Variants in NDUFS7 observed in about 807,000 individuals in gnomAD.
NDUFS7 encodes the protein NADH dehydrogenase [ubiquinone] iron-sulfur protein 7, mitochondrial.
NDUFS7 carries 11 observed loss-of-function variants against 31.1 expected under a neutral mutation model. The ratio of observed to expected loss-of-function variants is 0.35; its 90% CI spans 0.22 to 0.59. NDUFS7 has a LOEUF of 0.59. Among genes scored for constraint, NDUFS7 ranks in the 20% least tolerant of loss-of-function variants. NDUFS7 has a pLI of 0.79. For missense variants in NDUFS7, 263 were observed against 324.2 expected, an observed-to-expected ratio of 0.81 and a Z score of 1.45; for synonymous variants, 136 against 127.9, an observed-to-expected ratio of 1.06 and a Z score of -0.43.
chr19:1,390,765 C>A, intron 4 of NDUFS7, 106 bp from the exon 5 acceptor site: 1 of 1,361,022 alleles, frequency 7.3e-7, no homozygotes, highest in Non-Finnish European at 1.0e-6. Flanking sequence ...CTGCCGGCTG[C>A]CGCCCCGGGA....
chr19:1,391,361 C>T lies in NDUFS7; in HGVS notation c.455+196C>T, dbSNP rs181178797. Among the ~76,000 whole-genome samples, 378 of 152,312 alleles carry T rather than the reference C, an allele frequency of 2.5e-3. 1 individual carries two copies. The highest frequency in any genetic ancestry group is 8.6e-3 in the African/African-American group (357 of 41,570). On this transcript the variant is annotated intron_variant, in intron 6 of 7. Transcript: ENST00000233627. Reference sequence around the variant, plus strand: ...GGCCTCTCCCCAGAACGATTCCTCCCATCCACCCCCACGCAGCAGACCCCA... The same window carrying T: ...GGCCTCTCCCCAGAACGATTCCTCCTATCCACCCCCACGCAGCAGACCCCA...
At chr19:1,389,344 C>T (rs912935651) in intron 4 of NDUFS7, 4 of 484,012 alleles carry the variant, frequency 8.3e-6, no homozygotes, top group South Asian at 1.6e-5. Flanking sequence ...CATGCACACA[C>T]GTCCTTGTGT....
intron 1 of NDUFS7, among the ~76,000 whole-genome samples, chr19:1,385,470 A>T (rs948939059): frequency 6.6e-6 from 1 of 151,394 alleles, no homozygotes; most frequent in Admixed American, 6.6e-5. Context: ...CTAAGATTGC[A>T]CCATTGCACT....
chr19:1,387,823 G>T lies in NDUFS7; in HGVS notation c.29G>T (p.Arg10Leu), dbSNP rs778260862. Residue 10 changes from arginine (R) to leucine (L), a missense_variant, in exon 2 of 8, where the codon CGC (arginine) becomes CTC (leucine). Transcript: ENST00000233627. ...GTCCTCTCTGCAGCTCCTGGCCTGC[G>T]CGGCTTCCGGATCCTTGGTCTGCGG... MAVLSAPGL[R>L]GFRILGLRSS... The T allele has an allele frequency of 6.2e-7, 1 of 1,611,214 alleles. No individual in the cohort carries two copies. The highest frequency in any genetic ancestry group is 8.5e-7 in the Non-Finnish European group (1 of 1,179,766).
chr19:1,384,185 A>G, intron 1 of NDUFS7: 1 of 516,186 alleles, frequency 1.9e-6, no homozygotes, highest in Non-Finnish European at 3.3e-6. Context: ...CTCCAGCCTC[A>G]GGAAGGCGCT....
At position 1,391,107 on chromosome 19, in the gene NDUFS7, C is replaced by CCT. The variant is rs745927797; in HGVS notation, c.409-7_409-6dup. 21 of 1,612,636 alleles carry CCT rather than the reference C, an allele frequency of 1.3e-5. No homozygotes were observed. Among genetic ancestry groups the CCT allele is most frequent in the Non-Finnish European group, 1.8e-5 (21 of 1,179,588 alleles). On this transcript the variant is annotated splice_polypyrimidine_tract_variant and intron_variant, in intron 5 of 7. Coordinates refer to ENST00000233627, the MANE Select transcript of NDUFS7 (RefSeq NM_024407.5). ...CAGAGTGAGCTGCGCACGGACCCCG[C>CCT]CTCTCTTCCAGGTCTACGACCAGAT...
chr19:1,394,723 C>G, intron 7 of NDUFS7: 1 of 1,194,650 alleles, frequency 8.4e-7, no homozygotes, highest in South Asian at 1.5e-5. Flanking sequence ...TCCCTTGGAG[C>G]AGCCTGGACT....
At chr19:1,384,549 G>A (rs1416375605) in intron 1 of NDUFS7, among the ~76,000 whole-genome samples, 1 of 152,252 alleles carries the variant, frequency 6.6e-6, no homozygotes, top group Non-Finnish European at 1.5e-5. Context: ...AAGGAAATCA[G>A]TTACACGGAG....
intron 4 of NDUFS7, chr19:1,390,550 C>T: frequency 1.2e-5 from 6 of 505,478 alleles, no homozygotes; most frequent in Non-Finnish European, 3.6e-6. Context: ...CTACTACTCG[C>T]CTGTAGCCCA....
At chr19:1,388,498 A>G (rs781104957) in intron 2 of NDUFS7, 27 bp from the exon 3 acceptor site, 3 of 1,608,046 alleles carry the variant, frequency 1.9e-6, no homozygotes, top group African/African-American at 1.3e-5. Context: ...TGGGACAGCC[A>G]CTGACCCGCG....
intron 4 of NDUFS7, chr19:1,389,375 G>T (rs758005485): frequency 2.8e-5 from 13 of 466,206 alleles, no homozygotes; most frequent in South Asian, 2.0e-4. Context: ...ATGTGTGCCT[G>T]TTGGCATGCA....
chr19:1,388,969 A>C (rs1314647372), intron 4 of NDUFS7, 31 bp downstream of exon 4: 2 of 1,553,644 alleles, frequency 1.3e-6, no homozygotes, highest in Non-Finnish European at 1.8e-6. Flanking sequence ...GCCCTCCTCG[A>C]GCGCCAGGGC....
At chr19:1,394,630 C>G in intron 7 of NDUFS7, 2 of 1,214,318 alleles carry the variant, frequency 1.6e-6, no homozygotes, top group Non-Finnish European at 1.0e-6. Flanking sequence ...CAGCGGACCG[C>G]GCTCCTCCCT....
Position 1,388,863 on chromosome 19 carries a change from C to T in NDUFS7, c.153C>T (p.Ala51=), listed in dbSNP as rs140236960. The T allele has an allele frequency of 2.4e-3, 3,882 of 1,607,154 alleles. 8 individuals carry two copies. The highest frequency in any genetic ancestry group is 2.9e-3 in the Non-Finnish European group (3,436 of 1,177,310). Residue 51 remains alanine (A), a synonymous_variant, in exon 4 of 8, where the codon GCC becomes GCT. Transcript: ENST00000233627. The stretch of plus-strand genomic sequence containing the variant: ...AGCCTGCCCTGCCAAAGGCCAGAGC[C>T]GTGGCTCCCAAACCCAGCAGCCGGG... The part of the protein sequence containing the change: ...STQPALPKAR[A]VAPKPSSRGE...
intron 1 of NDUFS7, among the ~76,000 whole-genome samples, chr19:1,384,972 G>A (rs2082497975): frequency 6.6e-6 from 1 of 152,118 alleles, no homozygotes; most frequent in South Asian, 2.1e-4. Flanking sequence ...GCGCCACCAT[G>A]CCTGGCTAGT....
chr19:1,388,437 G>T, intron 2 of NDUFS7, 88 bp from the exon 3 acceptor site: 1 of 1,208,898 alleles, frequency 8.3e-7, no homozygotes. Context: ...TCGCAGCAGG[G>T]AGGGGAGAGG....
Position 1,395,459 on chromosome 19 carries a change from C to G in NDUFS7, c.613C>G (p.Arg205Gly), listed in dbSNP as rs775856806. The G allele has an allele frequency of 3.3e-5, 53 of 1,596,802 alleles. No individual in the cohort carries two copies. Among genetic ancestry groups the G allele is most frequent in the Non-Finnish European group, 4.3e-5 (50 of 1,173,778 alleles). The change falls in exon 8 of 8, where the codon CGG becomes GGG. Residue 205 changes from arginine to glycine, a missense_variant. Arg to Gly is a moderately radical substitution (Grantham distance 125). Coordinates refer to ENST00000233627, the MANE Select transcript of NDUFS7 (RefSeq NM_024407.5). ...GCTGCAGAGGAAGATCAAGCGGGAGCGGAGGCTGCAGATCTGGTACCGCAG... is the reference window on the plus strand; with the variant it reads ...GCTGCAGAGGAAGATCAAGCGGGAGGGGAGGCTGCAGATCTGGTACCGCAG... Reference protein sequence around the residue: ...LQLQRKIKRERRLQIWYRR With the variant: ...LQLQRKIKREGRLQIWYRR
At position 1,388,848 on chromosome 19, in the gene NDUFS7, G is replaced by A. The variant is rs147710123; in HGVS notation, c.138G>A (p.Leu46=). ...TCTGTGCCAGCACCCAGCCTGCCCTGCCAAAGGCCAGAGCCGTGGCTCCCA... is the reference window on the plus strand; with the variant it reads ...TCTGTGCCAGCACCCAGCCTGCCCTACCAAAGGCCAGAGCCGTGGCTCCCA... ...TDGPSSTQPA[L]PKARAVAPKP... Residue 46 remains leucine, a synonymous_variant, in exon 4 of 8, where the codon CTG becomes CTA. Coordinates refer to ENST00000233627, the MANE Select transcript of NDUFS7 (RefSeq NM_024407.5). The A allele has an allele frequency of 9.4e-5, 151 of 1,601,926 alleles. No individual in the cohort carries two copies. The highest frequency in any genetic ancestry group is 7.4e-4 in the Admixed American group (43 of 58,210).
intron 1 of NDUFS7, among the ~76,000 whole-genome samples, chr19:1,385,616 C>G (rs569957022): frequency 4.6e-5 from 7 of 152,226 alleles, no homozygotes; most frequent in Non-Finnish European, 8.8e-5. Flanking sequence ...TTCGGGAGTT[C>G]AAGACCAGCC....
Sources: gnomAD v4.1 joint callset for allele counts (sites outside exome capture counted in the v4.1 genomes callset) on GRCh38, gnomAD v4.1.1 for gene constraint, MANE v1.5 for transcripts, NCBI Gene and HGNC (gene_info 2026-07-23, HGNC 2026-07-21) for gene names.